PPARGC1A: variants seen among roughly 807,000 people sequenced by gnomAD.
The protein encoded by PPARGC1A is PPARG coactivator 1 alpha.
A neutral mutation model predicts 88.7 loss-of-function variants in PPARGC1A; 25 were observed. The observed-to-expected ratio is 0.28, with a 90% CI of 0.21 to 0.39. The LOEUF (loss-of-function observed/expected upper bound fraction) is 0.39. Among genes scored for constraint, PPARGC1A ranks in the 10% least tolerant of loss-of-function variants. The pLI, the probability that PPARGC1A is intolerant of heterozygous loss-of-function variation, is 1.00. For missense variants in PPARGC1A, 880 were observed against 968.7 expected (o/e 0.91, Z 1.22); for synonymous variants, 363 against 355.6 (o/e 1.02, Z -0.24).
chr4:24,455,362 T>C, the PPARGC1A span, among the ~76,000 whole-genome samples: 19 of 152,286 alleles, frequency 1.2e-4, no homozygotes, highest in African/African-American at 4.6e-4. Context: ...GCGCCTGCAG[T>C]CCTAGATATT....
At chr4:23,885,271 C>T (rs1716675492) in intron 1 of PPARGC1A, among the ~76,000 whole-genome samples, 1 of 152,146 alleles carries the variant, frequency 6.6e-6, no homozygotes, top group African/African-American at 2.4e-5. Flanking sequence ...ATAGTTACTG[C>T]TTCCAAAGTT....
the PPARGC1A span, among the ~76,000 whole-genome samples, chr4:24,449,324 T>C: frequency 6.6e-6 from 1 of 152,210 alleles, no homozygotes; most frequent in Non-Finnish European, 1.5e-5. Flanking sequence ...CCCTGCTGCC[T>C]CAGTGTAATT....
At chr4:24,052,036 G>A in the PPARGC1A span, among the ~76,000 whole-genome samples, 3 of 113,964 alleles carry the variant, frequency 2.6e-5, no homozygotes, top group African/African-American at 8.0e-5. Flanking sequence ...AAGATAAAGG[G>A]TAAGGGGCAT....
At chr4:24,336,734 C>CT in the PPARGC1A span, among the ~76,000 whole-genome samples, 1 of 151,982 alleles carries the variant, frequency 6.6e-6, no homozygotes, top group South Asian at 2.1e-4. Context: ...AGATAGCTGG[C>CT]TTTTTGTTTT....
chr4:24,229,291 T>G, the PPARGC1A span, among the ~76,000 whole-genome samples: 2 of 150,446 alleles, frequency 1.3e-5, no homozygotes, highest in Non-Finnish European at 3.0e-5. Flanking sequence ...GTAGCCGGGA[T>G]TACAGACACG....
chr4:24,168,975 T>C, the PPARGC1A span, among the ~76,000 whole-genome samples: 1 of 152,092 alleles, frequency 6.6e-6, no homozygotes, highest in Non-Finnish European at 1.5e-5. Context: ...AGTCCTGTGT[T>C]TAAAAAGGGA....
chr4:23,885,365 A>G (rs2148836054), intron 1 of PPARGC1A, among the ~76,000 whole-genome samples: 1 of 152,316 alleles, frequency 6.6e-6, no homozygotes, highest in Middle Eastern at 3.4e-3. Context: ...TCAATAAACT[A>G]TTGCTAAATG....
At chr4:24,201,258 G>A in the PPARGC1A span, among the ~76,000 whole-genome samples, 1 of 152,138 alleles carries the variant, frequency 6.6e-6, no homozygotes, top group Admixed American at 6.5e-5. Context: ...AGTTGTCAAG[G>A]TCTAAAAAAG....
the PPARGC1A span, among the ~76,000 whole-genome samples, chr4:24,018,187 T>C: frequency 1.3e-5 from 2 of 152,230 alleles, no homozygotes; most frequent in East Asian, 3.8e-4. Flanking sequence ...AAACATTATT[T>C]CAATTTTTAC....
the PPARGC1A span, among the ~76,000 whole-genome samples, chr4:24,435,163 T>C: frequency 1.3e-5 from 2 of 152,172 alleles, no homozygotes; most frequent in African/African-American, 2.4e-5. Flanking sequence ...TACAGCCCTA[T>C]ACCTAGACTT....
chr4:24,234,206 T>C, the PPARGC1A span, among the ~76,000 whole-genome samples: 1 of 152,186 alleles, frequency 6.6e-6, no homozygotes, highest in Admixed American at 6.5e-5. Context: ...GTAAGAGTTT[T>C]CCCTGATTTT....
chr4:24,109,616 AAGTCT>A, the PPARGC1A span, among the ~76,000 whole-genome samples: 1 of 152,136 alleles, frequency 6.6e-6, no homozygotes, highest in Non-Finnish European at 1.5e-5. Flanking sequence ...CATCAATTAC[AAGTCT>A]ATTTAGCATT....
At chr4:24,439,013 A>C in the PPARGC1A span, among the ~76,000 whole-genome samples, 6 of 152,100 alleles carry the variant, frequency 3.9e-5, no homozygotes, top group Non-Finnish European at 8.8e-5. Flanking sequence ...CACAAACGAA[A>C]AGGAACTGGA....
chr4:24,147,390 G>C, the PPARGC1A span, among the ~76,000 whole-genome samples: 7 of 152,290 alleles, frequency 4.6e-5, no homozygotes, highest in East Asian at 9.7e-4. Flanking sequence ...CAGCCCTCTG[G>C]TTACAGGCTA....
the PPARGC1A span, among the ~76,000 whole-genome samples, chr4:23,928,783 C>CAA: frequency 5.0e-5 from 6 of 119,154 alleles, no homozygotes; most frequent in East Asian, 1.0e-3. Context: ...AAAAAAACAA[C>CAA]AAAAAAAAAA....
At chr4:24,042,886 A>C in the PPARGC1A span, among the ~76,000 whole-genome samples, 1 of 152,228 alleles carries the variant, frequency 6.6e-6, no homozygotes, top group African/African-American at 2.4e-5. Context: ...ATAGAGTATT[A>C]GTAGTGAAGC....
chr4:23,995,857 A>G, the PPARGC1A span, among the ~76,000 whole-genome samples: 4 of 152,130 alleles, frequency 2.6e-5, no homozygotes, highest in African/African-American at 9.7e-5. Context: ...ATTTAGTTTT[A>G]TATGTTCATT....
At chr4:23,962,112 C>T in the PPARGC1A span, among the ~76,000 whole-genome samples, 675 of 150,364 alleles carry the variant, frequency 4.5e-3, 3 homozygotes, top group African/African-American at 0.016. Flanking sequence ...AACCCCTCTT[C>T]TCATCTTTTT....
At chr4:24,185,080 A>G in the PPARGC1A span, among the ~76,000 whole-genome samples, 1 of 152,168 alleles carries the variant, frequency 6.6e-6, no homozygotes, top group Non-Finnish European at 1.5e-5. Context: ...ACAGAGACTG[A>G]TCTATGCAAT....
Sources: allele counts gnomAD v4.1 joint callset (sites outside exome capture counted in the v4.1 genomes callset), GRCh38; gene constraint gnomAD v4.1.1; transcripts MANE v1.5; gene names NCBI Gene and HGNC (gene_info 2026-07-23, HGNC 2026-07-21).